Variants in DIO1 observed in about 807,000 individuals in gnomAD.
The protein encoded by DIO1 is type I iodothyronine deiodinase.
A neutral mutation model predicts 25.9 loss-of-function variants in DIO1; 17 were observed. The observed-to-expected ratio is 0.66, with a 90% CI of 0.45 to 0.98. The LOEUF (loss-of-function observed/expected upper bound fraction) is 0.98. Among genes scored for constraint, DIO1 ranks in the 50% least tolerant of loss-of-function variants. The pLI is 0.00. For synonymous variants in DIO1, 115 were observed against 114.0 expected (o/e 1.01, Z -0.05); for missense variants, 270 against 310.4 (o/e 0.87, Z 0.98).
At chr1:53,901,194 C>T (rs796701785) in intron 1 of DIO1, among the ~76,000 whole-genome samples, 1 of 151,960 alleles carries the variant, frequency 6.6e-6, no homozygotes, top group African/African-American at 2.4e-5. Flanking sequence ...TTCATTTTCA[C>T]TCTTAGTCCT....
At chr1:53,904,917 G>C in intron 2 of DIO1, 108 bp downstream of exon 2, 1 of 1,244,136 alleles carries the variant, frequency 8.0e-7, no homozygotes, top group Non-Finnish European at 1.1e-6. Context: ...AAGAGGAGGG[G>C]AGAGGGAAAG....
At chr1:53,897,700 A>C (rs753077025) in intron 1 of DIO1, among the ~76,000 whole-genome samples, 2 of 151,810 alleles carry the variant, frequency 1.3e-5, no homozygotes, top group Non-Finnish European at 2.9e-5. Flanking sequence ...AAATATTTAA[A>C]AATTAGTGGG....
At chr1:53,899,879 G>C (rs1651266307) in intron 1 of DIO1, among the ~76,000 whole-genome samples, 2 of 152,210 alleles carry the variant, frequency 1.3e-5, no homozygotes, top group South Asian at 2.1e-4. Flanking sequence ...TGTTGCCCAG[G>C]CTTTTTGGGT....
chr1:53,896,926 T>C (rs1303354625), intron 1 of DIO1, among the ~76,000 whole-genome samples: 2 of 152,204 alleles, frequency 1.3e-5, no homozygotes, highest in African/African-American at 4.8e-5. Context: ...ATTCATAATT[T>C]TAAACCACAG....
chr1:53,909,797 T>C, intron 3 of DIO1, 134 bp from the exon 4 acceptor site: 1 of 789,464 alleles, frequency 1.3e-6, no homozygotes, highest in Non-Finnish European at 2.2e-6. Context: ...GCATCTGCCA[T>C]TGAATTAGCC....
chr1:53,908,634 G>A (rs1651783254), intron 3 of DIO1, among the ~76,000 whole-genome samples: 2 of 152,180 alleles, frequency 1.3e-5, no homozygotes, highest in South Asian at 4.1e-4. Flanking sequence ...GCGGTATAGG[G>A]AAGAGGGTGG....
rs1651638120 is a variant in DIO1, at chr1:53,906,062, A to G, written c.482-33A>G. The G allele has an allele frequency of 2.5e-6, 4 of 1,607,640 alleles. No individual in the cohort carries two copies. In the African/African-American group the frequency reaches 5.3e-5, roughly 21 times the overall value. On this transcript the variant is annotated intron_variant, in intron 2 of 3. Coordinates refer to ENST00000361921, the MANE Select transcript of DIO1 (RefSeq NM_000792.7). ...GTCTGCAGGAAGTGTGTGCTGTGTCAATGGGACTCGGTGCCTGGCCTTTCT... is the reference window on the plus strand; with the variant it reads ...GTCTGCAGGAAGTGTGTGCTGTGTCGATGGGACTCGGTGCCTGGCCTTTCT...
At chr1:53,909,360 G>C (rs1026177601) in intron 3 of DIO1, among the ~76,000 whole-genome samples, 1 of 151,970 alleles carries the variant, frequency 6.6e-6, no homozygotes, top group South Asian at 2.1e-4. Context: ...AGGTTGCAGT[G>C]AATCAAGATT....
chr1:53,895,427 TTAAA>T (rs1190082177), intron 1 of DIO1, among the ~76,000 whole-genome samples: 2 of 151,914 alleles, frequency 1.3e-5, no homozygotes, highest in African/African-American at 4.8e-5. Flanking sequence ...TGTCACAAAT[TTAAA>T]AAAGTCTCAG....
chr1:53,903,971 AGCATTCACTCTCTT>A (rs1651512203), intron 1 of DIO1, among the ~76,000 whole-genome samples: 1 of 151,978 alleles, frequency 6.6e-6, no homozygotes, highest in African/African-American at 2.4e-5. Flanking sequence ...TCCTGCTCCT[AGCATTCACTCTCTT>A]TGTGGAGCTG....
At chr1:53,905,602 C>G (rs1651613801) in intron 2 of DIO1, among the ~76,000 whole-genome samples, 2 of 152,188 alleles carry the variant, frequency 1.3e-5, no homozygotes, top group Non-Finnish European at 1.5e-5. Flanking sequence ...ATTTCTAGTC[C>G]ATCCACGCTG....
chr1:53,903,811 T>C (rs914642642), intron 1 of DIO1, among the ~76,000 whole-genome samples: 6 of 151,902 alleles, frequency 3.9e-5, no homozygotes, highest in African/African-American at 1.5e-4. Flanking sequence ...ATCACACCAC[T>C]GCACTCCAGC....
At chr1:53,907,185 C>A (rs2100780603) in intron 3 of DIO1, among the ~76,000 whole-genome samples, 1 of 152,302 alleles carries the variant, frequency 6.6e-6, no homozygotes, top group Non-Finnish European at 1.5e-5. Flanking sequence ...GGATGTGCGG[C>A]AGAAATGCAT....
chr1:53,897,571 G>A (rs1403244974), intron 1 of DIO1, among the ~76,000 whole-genome samples: 1 of 152,188 alleles, frequency 6.6e-6, no homozygotes, highest in Non-Finnish European at 1.5e-5. Flanking sequence ...TGGTAGGAGT[G>A]ACCAGTTGCA....
chr1:53,907,912 G>T (rs187995356), intron 3 of DIO1, among the ~76,000 whole-genome samples: 3 of 71,848 alleles, frequency 4.2e-5, no homozygotes, highest in African/African-American at 2.3e-4. Flanking sequence ...ACTCTGTCTC[G>T]GAAAAAAAAA....
In DIO1 at chr1:53,894,614, G is replaced by T; in HGVS notation, c.337+67G>T. The T allele has an allele frequency of 7.0e-7, 1 of 1,425,026 alleles. No homozygotes were observed. Among genetic ancestry groups the T allele is most frequent in the Non-Finnish European group, 9.5e-7 (1 of 1,052,572 alleles). The allele number at this position is 1,425,026 out of a possible 1,614,324, so 88.3% of individuals were successfully genotyped here. On this transcript the variant is annotated intron_variant, in intron 1 of 3. Transcript: ENST00000361921. This position sits in a 1 kb window ranked among gnomAD's most constrained non-coding sequence, Gnocchi z 4.9. ...AGTGGTAGAGGGGGATGAAGAGATG[G>T]GTTGGAAAGTCCTGAATTCTCCTAC...
chr1:53,907,705 A>G (rs1272651541), intron 3 of DIO1, among the ~76,000 whole-genome samples: 3 of 148,418 alleles, frequency 2.0e-5, no homozygotes, highest in Non-Finnish European at 4.5e-5. Context: ...TGAGGTTGGG[A>G]GTTGGAGACC....
intron 1 of DIO1, among the ~76,000 whole-genome samples, chr1:53,898,744 C>CAAAAA (rs60469690): frequency 9.4e-6 from 1 of 106,606 alleles, no homozygotes; most frequent in Non-Finnish European, 1.9e-5. Context: ...GACTCTGTCT[C>CAAAAA]AAAAAAAAAA....
chr1:53,895,249 C>A (rs1651013333), intron 1 of DIO1, among the ~76,000 whole-genome samples: 1 of 152,144 alleles, frequency 6.6e-6, no homozygotes, highest in Non-Finnish European at 1.5e-5. Flanking sequence ...ATGATGAAAC[C>A]CCGTCTCTAC....
Sources: gnomAD v4.1 joint callset for allele counts (sites outside exome capture counted in the v4.1 genomes callset) on GRCh38, gnomAD v4.1.1 for gene constraint, Gnocchi (gnomAD v3.1) non-coding constraint, MANE v1.5 for transcripts, NCBI Gene and HGNC (gene_info 2026-07-23, HGNC 2026-07-21) for gene names.